The following HRH1 variants were observed in gnomAD, a reference collection of about 807,000 sequenced individuals.
HRH1 encodes the protein histamine H1 receptor.
In HRH1, 6 loss-of-function variants were observed where a neutral mutation model predicts 10.3. The ratio of observed to expected loss-of-function variants is 0.58; its 90% CI spans 0.32 to 1.15. HRH1 has a LOEUF of 1.15. HRH1 is among the 50% of genes most tolerant of loss of function. The pLI is 0.05. For missense variants in HRH1, 514 were observed against 615.3 expected, an observed-to-expected ratio of 0.84 and a Z score of 1.74; for synonymous variants, 242 against 236.7, an observed-to-expected ratio of 1.02 and a Z score of -0.21.
intron 1 of HRH1, among the ~76,000 whole-genome samples, chr3:11,240,596 C>T (rs979239684): frequency 3.3e-5 from 5 of 151,834 alleles, no homozygotes; most frequent in African/African-American, 4.8e-5. Flanking sequence ...ACTACCTGCC[C>T]GCAAGGTCAT....
rs140293291 is a variant in HRH1 at position 11,194,643 on chromosome 3, G to A, written c.-36+40089G>A. On this transcript the variant is annotated intron_variant, in intron 1 of 1. Coordinates refer to ENST00000431010, the MANE Select transcript of HRH1 (RefSeq NM_001098212.2). ...ACCCTGGCCAACATGGCGAAACCCCGTCTGTACTAAAAATACAAACAATTA... is the reference window on the plus strand; with the variant it reads ...ACCCTGGCCAACATGGCGAAACCCCATCTGTACTAAAAATACAAACAATTA... Among the ~76,000 whole-genome samples, 989 of 152,204 alleles carry A rather than the reference G, an allele frequency of 6.5e-3. 6 individuals are homozygous for A. The highest frequency in any genetic ancestry group is 0.023 in the African/African-American group (944 of 41,530).
chr3:11,174,413 A>G (rs1937211491), intron 1 of HRH1, among the ~76,000 whole-genome samples: 1 of 152,204 alleles, frequency 6.6e-6, no homozygotes, highest in Admixed American at 6.5e-5. Flanking sequence ...GGGAAGAATC[A>G]GAACTGATTC....
Position 11,154,744 on chromosome 3 carries a change from C to T in HRH1, c.-36+190C>T, listed in dbSNP as rs1319293222. 2.0e-5 allele frequency among the ~76,000 whole-genome samples: 3 copies of T among 152,056 alleles called. No homozygotes were observed. The highest frequency in any genetic ancestry group is 4.4e-5 in the Non-Finnish European group (3 of 67,990). ...GCCTGGGGAGGGTGGCGGAGGGCGG[C>T]TCGCTCGGTGGCACCGCTCCCCTCT... On this transcript the variant is annotated intron_variant, in intron 1 of 1. Transcript: ENST00000431010. The surrounding 1 kb of genome is among the most constrained non-coding windows in gnomAD (Gnocchi z 4.4).
At chr3:11,235,556 G>C (rs1939158291) in intron 1 of HRH1, among the ~76,000 whole-genome samples, 1 of 152,214 alleles carries the variant, frequency 6.6e-6, no homozygotes, top group African/African-American at 2.4e-5. Context: ...GGAGGGATGA[G>C]AGTGCCTCCT....
upstream of HRH1, chr3:11,154,438 C>G (rs1325141204): frequency 1.9e-4 from 1 of 5,394 alleles, no homozygotes; most frequent in African/African-American, 9.8e-4. This position sits in a 1 kb window ranked among gnomAD's most constrained non-coding sequence, Gnocchi z 4.4. Flanking sequence ...AGCGGCTCCT[C>G]CTCCGGCGCC....
At chr3:11,202,888 T>C (rs1937983076) in intron 1 of HRH1, among the ~76,000 whole-genome samples, 1 of 152,216 alleles carries the variant, frequency 6.6e-6, no homozygotes, top group South Asian at 2.1e-4. Context: ...CTCCTAAAAA[T>C]CATCTGTGAT....
At chr3:11,165,583 A>T (rs1937014499) in intron 1 of HRH1, among the ~76,000 whole-genome samples, 2 of 152,196 alleles carry the variant, frequency 1.3e-5, no homozygotes, top group Admixed American at 6.5e-5. Context: ...CAGGGATTTG[A>T]ACATTCAAGG....
intron 1 of HRH1, among the ~76,000 whole-genome samples, chr3:11,232,811 T>C (rs932144168): frequency 6.6e-6 from 1 of 152,252 alleles, no homozygotes; most frequent in Non-Finnish European, 1.5e-5. Context: ...CAGCATGTTT[T>C]AGTTTTCAGC....
intron 1 of HRH1, chr3:11,234,489 C>T (rs1939121199): frequency 2.6e-6 from 4 of 1,513,792 alleles, no homozygotes; most frequent in South Asian, 2.2e-5. Context: ...AACTGTTCCC[C>T]ACAGGGGCCG....
intron 1 of HRH1, chr3:11,234,617 T>A (rs1381275482): frequency 4.9e-6 from 7 of 1,429,722 alleles, no homozygotes; most frequent in Non-Finnish European, 6.9e-6. Flanking sequence ...TTGCTTGGAG[T>A]TTCATGGTCT....
Position 11,245,995 on chromosome 3 carries a change from C to T in HRH1, c.-35-13008C>T, listed in dbSNP as rs867231043. 1.5e-4 allele frequency among the ~76,000 whole-genome samples: 12 copies of T among 81,284 alleles called. No individual in the cohort carries two copies. In the South Asian group the frequency reaches 2.7e-3, roughly 18 times the overall value. 53.3% of individuals were successfully genotyped at this position (81,284 alleles called of 152,430 possible). A position where few individuals can be genotyped will look rare whatever the true frequency, so the allele number is the denominator to read the frequency against. ...CACTCATGTACTCAAAAACCACACA[C>T]ACACTTACACATACACACATACACT... On this transcript the variant is annotated intron_variant, in intron 1 of 1. Coordinates refer to ENST00000431010, the MANE Select transcript of HRH1 (RefSeq NM_001098212.2).
At chr3:11,193,932 G>A (rs1429529088) in intron 1 of HRH1, among the ~76,000 whole-genome samples, 1 of 152,220 alleles carries the variant, frequency 6.6e-6, no homozygotes, top group African/African-American at 2.4e-5. Flanking sequence ...AACTTCACAA[G>A]GTATCAGCTT....
chr3:11,198,203 A>G (rs1937748007), intron 1 of HRH1, among the ~76,000 whole-genome samples: 2 of 152,258 alleles, frequency 1.3e-5, no homozygotes, highest in Non-Finnish European at 2.9e-5. Context: ...GTCCTGGGAC[A>G]TCCCCTACCT....
intron 1 of HRH1, among the ~76,000 whole-genome samples, chr3:11,170,433 C>T (rs1241096306): frequency 1.3e-5 from 2 of 152,258 alleles, no homozygotes; most frequent in African/African-American, 4.8e-5. Flanking sequence ...CTGTGTGCCA[C>T]ACCCCACACT....
At chr3:11,192,403 G>A (rs1937558978) in intron 1 of HRH1, among the ~76,000 whole-genome samples, 1 of 152,074 alleles carries the variant, frequency 6.6e-6, no homozygotes, top group South Asian at 2.1e-4. Flanking sequence ...GTTGTGTATA[G>A]CTGTAGTTCA....
chr3:11,201,037 C>T (rs992575391), intron 1 of HRH1, among the ~76,000 whole-genome samples: 1 of 152,136 alleles, frequency 6.6e-6, no homozygotes, highest in African/African-American at 2.4e-5. Context: ...GAAAGATGCC[C>T]CTGCCCTCAA....
Position 11,261,885 on chromosome 3 carries a change from A to G in HRH1, c.*1384A>G, listed in dbSNP as rs1407734089. On this transcript the variant is annotated 3_prime_UTR_variant, in exon 2 of 2. Coordinates refer to ENST00000431010, the MANE Select transcript of HRH1 (RefSeq NM_001098212.2). ...ACAATGTGCCCTCTTAAGTGTGCAC[A>G]GATACACATACACGGTATTCCCAAG... 6.0e-6 allele frequency: 1 copy of G among 167,116 alleles called. No homozygotes were observed. The highest frequency in any genetic ancestry group is 1.5e-5 in the Non-Finnish European group (1 of 68,138). 10.4% of individuals were successfully genotyped at this position (167,116 alleles called of 1,614,324 possible).
intron 1 of HRH1, among the ~76,000 whole-genome samples, chr3:11,192,170 C>T (rs1214633147): frequency 3.9e-5 from 6 of 152,186 alleles, no homozygotes; most frequent in Non-Finnish European, 7.3e-5. Flanking sequence ...AGTATACACA[C>T]GTTGTATGCA....
At chr3:11,202,683 C>T (rs1196882081) in intron 1 of HRH1, among the ~76,000 whole-genome samples, 4 of 152,166 alleles carry the variant, frequency 2.6e-5, no homozygotes, top group African/African-American at 7.2e-5. Flanking sequence ...TCTGTCCTCA[C>T]ATATGCACAG....
Sources: gnomAD v4.1 joint callset for allele counts (sites outside exome capture counted in the v4.1 genomes callset) on GRCh38, gnomAD v4.1.1 for gene constraint, Gnocchi (gnomAD v3.1) non-coding constraint, MANE v1.5 for transcripts, NCBI Gene and HGNC (gene_info 2026-07-23, HGNC 2026-07-21) for gene names.